The following LRRTM4 variants were observed in gnomAD, a reference collection of about 807,000 sequenced individuals.
The protein encoded by LRRTM4 is leucine-rich repeat transmembrane neuronal protein 4.
In LRRTM4, 25 loss-of-function variants were observed where a neutral mutation model predicts 47.6. The ratio of observed to expected loss-of-function variants is 0.53; its 90% confidence interval spans 0.38 to 0.73. LRRTM4 has a LOEUF of 0.73. Ranked by LOEUF, LRRTM4 falls within the 30% of genes least tolerant of loss-of-function variation. The pLI is 0.00. For synonymous variants in LRRTM4, 311 were observed against 269.5 expected, an observed-to-expected ratio of 1.15 and a Z score of -1.51; for missense variants, 638 against 713.4, an observed-to-expected ratio of 0.89 and a Z score of 1.20.
At chr2:76,758,972 T>G (rs1335098090) in intron 3 of LRRTM4, among the ~76,000 whole-genome samples, 1 of 152,138 alleles carries the variant, frequency 6.6e-6, no homozygotes, top group Admixed American at 6.5e-5. Flanking sequence ...CCATAAAACT[T>G]TACAAACAGT....
intron 3 of LRRTM4, among the ~76,000 whole-genome samples, chr2:77,478,929 C>G (rs1677542180): frequency 6.6e-6 from 1 of 152,124 alleles, no homozygotes; most frequent in African/African-American, 2.4e-5. Context: ...AAGTCTCACT[C>G]TCTTGCCCAG....
At chr2:76,786,642 T>C (rs1311665261) in intron 3 of LRRTM4, among the ~76,000 whole-genome samples, 1 of 152,096 alleles carries the variant, frequency 6.6e-6, no homozygotes, top group African/African-American at 2.4e-5. Flanking sequence ...TTTAAAAATA[T>C]CTGTGGGAGG....
chr2:76,797,410 A>G (rs1350578815), intron 3 of LRRTM4, among the ~76,000 whole-genome samples: 1 of 152,062 alleles, frequency 6.6e-6, no homozygotes, highest in Non-Finnish European at 1.5e-5. Context: ...CAGACAAGCA[A>G]ATGCTGAGAG....
At chr2:76,828,770 C>T (rs1671255411) in intron 3 of LRRTM4, among the ~76,000 whole-genome samples, 1 of 151,910 alleles carries the variant, frequency 6.6e-6, no homozygotes, top group Non-Finnish European at 1.5e-5. Context: ...CTCCCAGCTT[C>T]TTTTCACTCA....
chr2:76,891,452 G>A (rs1035924033), intron 3 of LRRTM4, among the ~76,000 whole-genome samples: 9 of 151,606 alleles, frequency 5.9e-5, no homozygotes, highest in African/African-American at 2.2e-4. Flanking sequence ...AATTTTCACA[G>A]AACTACTCCT....
chr2:76,883,766 G>A (rs1220131979), intron 3 of LRRTM4, among the ~76,000 whole-genome samples: 1 of 152,168 alleles, frequency 6.6e-6, no homozygotes, highest in East Asian at 1.9e-4. Context: ...TGATCTGGGA[G>A]AACTAAAATA....
chr2:77,099,365 C>T (rs1670892190), intron 3 of LRRTM4, among the ~76,000 whole-genome samples: 1 of 151,804 alleles, frequency 6.6e-6, no homozygotes, highest in Non-Finnish European at 1.5e-5. Context: ...AGTTGCAATA[C>T]AATGAATATA....
intron 3 of LRRTM4, among the ~76,000 whole-genome samples, chr2:77,052,540 A>G (rs1679472947): frequency 6.6e-6 from 1 of 152,030 alleles, no homozygotes; most frequent in Admixed American, 6.6e-5. Flanking sequence ...TTACTCATCT[A>G]ATAAGTTAAA....
intron 3 of LRRTM4, among the ~76,000 whole-genome samples, chr2:77,074,199 T>C (rs375209392): frequency 3.3e-5 from 5 of 152,228 alleles, no homozygotes; most frequent in Admixed American, 3.3e-4. Context: ...TGTTTTATCA[T>C]ATCTGCATTT....
intron 3 of LRRTM4, among the ~76,000 whole-genome samples, chr2:77,081,431 A>G (rs1274428831): frequency 2.0e-5 from 3 of 152,160 alleles, no homozygotes; most frequent in Non-Finnish European, 2.9e-5. Context: ...AAATTGGAAC[A>G]TAGAAAGTTA....
chr2:76,857,355 A>T (rs1238673844), intron 3 of LRRTM4, among the ~76,000 whole-genome samples: 2 of 144,738 alleles, frequency 1.4e-5, no homozygotes, highest in Non-Finnish European at 3.0e-5. Context: ...CCTTAGCAAT[A>T]CATGGCTTGT....
intron 3 of LRRTM4, among the ~76,000 whole-genome samples, chr2:76,959,032 A>G (rs900474140): frequency 1.3e-5 from 2 of 151,672 alleles, no homozygotes; most frequent in Non-Finnish European, 3.0e-5. Flanking sequence ...CCTCCTACCT[A>G]GAAAGCTGAA....
At chr2:77,496,827 C>G (rs182849442) in intron 3 of LRRTM4, among the ~76,000 whole-genome samples, 1 of 151,482 alleles carries the variant, frequency 6.6e-6, no homozygotes, top group Non-Finnish European at 1.5e-5. Context: ...GTGTTTCCTC[C>G]TCTTCAATTC....
Position 77,360,544 on chromosome 2 carries a change from TCATTCATACATACATACATA to T in LRRTM4, c.1551+157754_1551+157773del, listed in dbSNP as rs1206901065. 3.3e-4 allele frequency among the ~76,000 whole-genome samples: 46 copies of T among 137,502 alleles called. No individual in the cohort carries two copies. In the South Asian group the frequency reaches 0.011, roughly 32 times the overall value. 90.2% of individuals were successfully genotyped at this position (137,502 alleles called of 152,430 possible). ...TACGATACGATACGATACAATACAA[TCATTCATACATACATACATA>T]CATACATACATACATACATACATAC... On this transcript the variant is annotated intron_variant, in intron 3 of 3. Coordinates refer to ENST00000409884, the MANE Select transcript of LRRTM4 (RefSeq NM_001134745.3).
intron 3 of LRRTM4, among the ~76,000 whole-genome samples, chr2:77,164,505 C>T (rs932025837): frequency 2.0e-5 from 3 of 152,178 alleles, no homozygotes; most frequent in African/African-American, 4.8e-5. Context: ...ACAGAATATA[C>T]ATTCTTCTCA....
intron 3 of LRRTM4, among the ~76,000 whole-genome samples, chr2:77,000,969 G>A (rs545441528): frequency 5.9e-5 from 9 of 152,194 alleles, no homozygotes; most frequent in Non-Finnish European, 1.3e-4. Context: ...TTATACCTCA[G>A]GGGAGAACGA....
chr2:76,939,198 T>C (rs1049349563), intron 3 of LRRTM4, among the ~76,000 whole-genome samples: 1 of 152,214 alleles, frequency 6.6e-6, no homozygotes, highest in African/African-American at 2.4e-5. Flanking sequence ...TTTGTAGCTA[T>C]AACAAGTAAA....
chr2:76,888,270 A>G (rs555169171), intron 3 of LRRTM4, among the ~76,000 whole-genome samples: 3 of 151,418 alleles, frequency 2.0e-5, no homozygotes, highest in South Asian at 4.2e-4. Context: ...AGATAATGAT[A>G]ATTTCTATAA....
chr2:76,766,691 T>C (rs1178991513), intron 3 of LRRTM4, among the ~76,000 whole-genome samples: 1 of 152,220 alleles, frequency 6.6e-6, no homozygotes, highest in Admixed American at 6.5e-5. Context: ...AGTTCTGAAG[T>C]AACTGGTTTC....
Sources: gnomAD v4.1 joint callset for allele counts (sites outside exome capture counted in the v4.1 genomes callset) on GRCh38, gnomAD v4.1.1 for gene constraint, MANE v1.5 for transcripts, NCBI Gene and HGNC (gene_info 2026-07-23, HGNC 2026-07-21) for gene names.